Variants in CHST15 observed in about 807,000 individuals in gnomAD.
CHST15 encodes B cell RAG associated protein (GALNAC4S-6ST).
In CHST15, 30 loss-of-function variants were observed where a neutral mutation model predicts 53.6. The observed-to-expected ratio is 0.56, with a 90% CI of 0.42 to 0.76. CHST15 has a LOEUF of 0.76. Among genes scored for constraint, CHST15 ranks in the 30% least tolerant of loss-of-function variants. The pLI is 0.00. For missense variants in CHST15, 627 were observed against 740.5 expected, an observed-to-expected ratio of 0.85 and a Z score of 1.78; for synonymous variants, 296 against 289.8, an observed-to-expected ratio of 1.02 and a Z score of -0.22.
chr10:124,061,747 G>C (rs1373340637), intron 1 of CHST15, among the ~76,000 whole-genome samples: 1 of 152,202 alleles, frequency 6.6e-6, no homozygotes. Flanking sequence ...CCTCCAGGAC[G>C]TGAGTTCACG....
chr10:124,023,213 A>T (rs1030036511), intron 5 of CHST15, among the ~76,000 whole-genome samples: 1 of 152,188 alleles, frequency 6.6e-6, no homozygotes, highest in Admixed American at 6.5e-5. Flanking sequence ...GGCCAGGCAC[A>T]GTGGCTCATG....
rs1946707235 is a variant in CHST15, at chr10:124,019,806, C to T, written c.1347+1450G>A. 1 of 985,522 alleles carries T rather than the reference C, an allele frequency of 1.0e-6. No individual in the cohort carries two copies. Among genetic ancestry groups the T allele is most frequent in the Non-Finnish European group, 1.2e-6 (1 of 830,012 alleles). The allele number at this position is 985,522 out of a possible 1,614,324, so 61.0% of individuals were successfully genotyped here. Reference sequence around the variant, plus strand: ...TGTCTAGACTTCTTCTGAGGCTAGACCAGGTGGTGCGGCCCCATGTGCCAC... The same window carrying T: ...TGTCTAGACTTCTTCTGAGGCTAGATCAGGTGGTGCGGCCCCATGTGCCAC... On this transcript the variant is annotated intron_variant, in intron 6 of 7. Coordinates refer to ENST00000435907, the MANE Select transcript of CHST15 (RefSeq NM_001270764.2). This position sits in a 1 kb window ranked among gnomAD's most constrained non-coding sequence, Gnocchi z 4.6.
rs149726610 is a variant in CHST15, at chr10:124,041,454, G to A, written c.1033+847C>T. On this transcript the variant is annotated intron_variant, in intron 4 of 7. Coordinates refer to ENST00000435907, the MANE Select transcript of CHST15 (RefSeq NM_001270764.2). ...TCTAGAGATCTAAGGTAGAGCATGT[G>A]CACTGTAGTTATTAATCCTATTAAT... is the stretch of plus-strand genomic sequence containing the variant. Among the ~76,000 whole-genome samples the A allele has an allele frequency of 3.9e-5, 6 of 152,270 alleles. No homozygotes were observed. The East Asian group carries it at 9.7e-4, about 25-fold the overall frequency.
In CHST15 at chr10:124,008,437, T is replaced by C. The variant is rs1396426270; in HGVS notation, c.*1712A>G. 2.0e-6 allele frequency: 2 copies of C among 993,138 alleles called. No homozygotes were observed. The highest frequency in any genetic ancestry group is 2.4e-6 in the Non-Finnish European group (2 of 834,566). 61.5% of individuals were successfully genotyped at this position (993,138 alleles called of 1,614,324 possible). A position where few individuals can be genotyped will look rare whatever the true frequency, so the allele number is the denominator to read the frequency against. On this transcript the variant is annotated 3_prime_UTR_variant, in exon 8 of 8. Transcript: ENST00000435907. ...AAAGCATCCTTGTGCTCAGGCCAGA[T>C]TTCCCTGCTGGCGGCTGCTCCCAGT...
chr10:124,048,278 ATCC>A (rs918306876), intron 1 of CHST15, among the ~76,000 whole-genome samples: 2 of 152,354 alleles, frequency 1.3e-5, no homozygotes, highest in African/African-American at 4.8e-5. Context: ...AGCCCTGTGA[ATCC>A]ACAAGAGAGG....
At chr10:124,033,695 C>T (rs1031635298) in intron 5 of CHST15, among the ~76,000 whole-genome samples, 7 of 152,206 alleles carry the variant, frequency 4.6e-5, no homozygotes, top group East Asian at 1.9e-4. Flanking sequence ...GGTAGCCTCT[C>T]GCCAAAAGCC....
rs41299163 is a variant in CHST15 at position 124,009,060 on chromosome 10, G to A, written c.*1089C>T. The A allele has an allele frequency of 0.026, 32,836 of 1,286,108 alleles. 876 individuals are homozygous for A. The highest frequency in any genetic ancestry group is 0.1 in the South Asian group (8,422 of 80,870). 79.7% of individuals were successfully genotyped at this position (1,286,108 alleles called of 1,614,324 possible). A position where few individuals can be genotyped will look rare whatever the true frequency, so the allele number is the denominator to read the frequency against. The stretch of plus-strand genomic sequence containing the variant: ...GAGTATCTATAGTCCCTTGCTGGGT[G>A]AGGAACTTTGACCACACGCAGTGGA... On this transcript the variant is annotated 3_prime_UTR_variant, in exon 8 of 8. Coordinates refer to ENST00000435907, the MANE Select transcript of CHST15 (RefSeq NM_001270764.2).
At chr10:124,023,357 G>C (rs931768462) in intron 5 of CHST15, among the ~76,000 whole-genome samples, 1 of 151,858 alleles carries the variant, frequency 6.6e-6, no homozygotes, top group Non-Finnish European at 1.5e-5. Context: ...GTGGTGGTGC[G>C]TGCCTGTAGT....
At chr10:124,084,368 G>A (rs1202599698) in intron 1 of CHST15, among the ~76,000 whole-genome samples, 1 of 152,180 alleles carries the variant, frequency 6.6e-6, no homozygotes, top group Non-Finnish European at 1.5e-5. Context: ...CTGCAGGCCA[G>A]CTGACCTCCA....
chr10:124,045,545 T>C, intron 2 of CHST15, 122 bp downstream of exon 2: 1 of 993,296 alleles, frequency 1.0e-6, no homozygotes, highest in East Asian at 2.4e-5. Flanking sequence ...CAAATGATCC[T>C]TGCTACATCT....
chr10:124,024,479 C>T lies in CHST15; in HGVS notation c.1191-3067G>A, dbSNP rs899341121. Among the ~76,000 whole-genome samples, 1 of 152,138 alleles carries T rather than the reference C, an allele frequency of 6.6e-6. No individual in the cohort carries two copies. The highest frequency in any genetic ancestry group is 2.4e-5 in the African/African-American group (1 of 41,440). ...AACACCCACCGGAACAGGAGTGTTCCATCTACCACAGCCTGGCCAGCCAAA... is the reference window on the plus strand; with the variant it reads ...AACACCCACCGGAACAGGAGTGTTCTATCTACCACAGCCTGGCCAGCCAAA... On this transcript the variant is annotated intron_variant, in intron 5 of 7. Coordinates refer to ENST00000435907, the MANE Select transcript of CHST15 (RefSeq NM_001270764.2). The surrounding 1 kb of genome is among the most constrained non-coding windows in gnomAD (Gnocchi z 4.0).
intron 5 of CHST15, among the ~76,000 whole-genome samples, chr10:124,034,135 G>A (rs866534658): frequency 2.6e-5 from 4 of 152,200 alleles, no homozygotes; most frequent in African/African-American, 4.8e-5. Context: ...ACCAGGGCAC[G>A]TATGCTCAGT....
Position 124,038,620 on chromosome 10 carries a change from TAGA to T in CHST15, c.1082_1084del (p.Phe361del). 1.2e-6 allele frequency: 2 copies of T among 1,614,170 alleles called. No homozygotes were observed. The highest frequency in any genetic ancestry group is 1.7e-6 in the Non-Finnish European group (2 of 1,180,046). ...TGGCTCGCCATCCGTGCTGTTGTCGTAGAAGAACGTCCAGGCATTATTATCCCA... is the reference window on the plus strand; with the variant it reads ...TGGCTCGCCATCCGTGCTGTTGTCGTAGAACGTCCAGGCATTATTATCCCA... On this transcript the variant is annotated inframe_deletion, in exon 5 of 8. Transcript: ENST00000435907.
intron 1 of CHST15, among the ~76,000 whole-genome samples, chr10:124,076,796 G>C (rs538840613): frequency 2.0e-5 from 3 of 150,306 alleles, no homozygotes; most frequent in South Asian, 2.1e-4. Context: ...TGCAAGCTCC[G>C]CCTTCCGGGT....
At chr10:124,053,960 G>C (rs1003445638) in intron 1 of CHST15, among the ~76,000 whole-genome samples, 2 of 152,032 alleles carry the variant, frequency 1.3e-5, no homozygotes, top group Non-Finnish European at 2.9e-5. Context: ...GAAGGGAGCT[G>C]TTCCTGAATC....
At position 124,009,906 on chromosome 10, in the gene CHST15, T is replaced by A. The variant is rs1946363988; in HGVS notation, c.*243A>T. Reference sequence around the variant, plus strand: ...AGCTCCAGGACGCTCAGAGCAGAGCTGAATTCTTGAGAAACTGGGGTCTCC... The same window carrying A: ...AGCTCCAGGACGCTCAGAGCAGAGCAGAATTCTTGAGAAACTGGGGTCTCC... On this transcript the variant is annotated 3_prime_UTR_variant, in exon 8 of 8. Transcript: ENST00000435907. 1 of 1,337,682 alleles carries A rather than the reference T, an allele frequency of 7.5e-7. No homozygotes were observed. Among genetic ancestry groups the A allele is most frequent in the Non-Finnish European group, 9.6e-7 (1 of 1,041,116 alleles). 82.9% of individuals were successfully genotyped at this position (1,337,682 alleles called of 1,614,324 possible). A position where few individuals can be genotyped will look rare whatever the true frequency, so the allele number is the denominator to read the frequency against.
At chr10:124,090,806 G>A (rs1156772387) in intron 1 of CHST15, among the ~76,000 whole-genome samples, 1 of 152,244 alleles carries the variant, frequency 6.6e-6, no homozygotes, top group Non-Finnish European at 1.5e-5. Flanking sequence ...AGGCACACAT[G>A]TGACCACTGT....
chr10:124,086,308 C>T (rs777298878), intron 1 of CHST15, among the ~76,000 whole-genome samples: 4 of 152,242 alleles, frequency 2.6e-5, no homozygotes, highest in Non-Finnish European at 4.4e-5. Flanking sequence ...GAGCCCAGCA[C>T]ATCATATTCC....
Position 124,019,640 on chromosome 10 carries a change from A to T in CHST15, c.1347+1616T>A. The T allele has an allele frequency of 2.3e-6, 1 of 430,718 alleles. No homozygotes were observed. Among genetic ancestry groups the T allele is most frequent in the Non-Finnish European group, 3.1e-6 (1 of 322,880 alleles). The allele number at this position is 430,718 out of a possible 1,614,324, so 26.7% of individuals were successfully genotyped here. A position where few individuals can be genotyped will look rare whatever the true frequency, so the allele number is the denominator to read the frequency against. ...TCCCGGGTTACATGAAATTTACGTT[A>T]AACAAGTATGTGTGCTTTCTCGCGT... On this transcript the variant is annotated intron_variant, in intron 6 of 7. Coordinates refer to ENST00000435907, the MANE Select transcript of CHST15 (RefSeq NM_001270764.2). This position sits in a 1 kb window ranked among gnomAD's most constrained non-coding sequence, Gnocchi z 4.6.
Sources: allele counts gnomAD v4.1 joint callset (sites outside exome capture counted in the v4.1 genomes callset), GRCh38; gene constraint gnomAD v4.1.1; non-coding constraint Gnocchi (gnomAD v3.1); transcripts MANE v1.5; gene names NCBI Gene and HGNC (gene_info 2026-07-23, HGNC 2026-07-21).